Variants in PRDM16 observed in about 807,000 individuals in gnomAD.
PRDM16 encodes PR/SET domain 16.
A neutral mutation model predicts 110.6 loss-of-function variants in PRDM16; 23 were observed. That is an observed-to-expected ratio of 0.21 (90% CI 0.15 to 0.29). PRDM16 has a LOEUF of 0.29. Among genes scored for constraint, PRDM16 ranks in the 10% least tolerant of loss-of-function variants. The pLI is 1.00. For missense variants in PRDM16, 1,615 were observed against 1,794.3 expected (o/e 0.90, Z 1.81); for synonymous variants, 799 against 781.8 (o/e 1.02, Z -0.37).
chr1:3,389,754 G>A (rs1417838913), intron 4 of PRDM16, among the ~76,000 whole-genome samples: 1 of 152,258 alleles, frequency 6.6e-6, no homozygotes, highest in African/African-American at 2.4e-5. Context: ...GCTGCTGGGA[G>A]CAAAACATCC....
chr1:3,335,631 A>ACACACACACACACACC lies in PRDM16; in HGVS notation c.439-49510_439-49509insACACCCACACACACAC, dbSNP rs1210122391. Among the ~76,000 whole-genome samples the ACACACACACACACACC allele has an allele frequency of 7.9e-4, 120 of 152,078 alleles. 1 individual carries two copies. Among genetic ancestry groups the ACACACACACACACACC allele is most frequent in the African/African-American group, 2.7e-3 (110 of 41,452 alleles). On this transcript the variant is annotated intron_variant, in intron 3 of 16. Coordinates refer to ENST00000270722, the MANE Select transcript of PRDM16 (RefSeq NM_022114.4). ...CACACACACACACACACACACACAC[A>ACACACACACACACACC]CACACACACACCCTTGGACATAAAT...
At position 3,437,254 on chromosome 1, in the gene PRDM16, A is replaced by G. The variant is rs1374583325; in HGVS notation, c.*3443A>G. 4.3e-6 allele frequency: 1 copy of G among 232,180 alleles called. No homozygotes were observed. The highest frequency in any genetic ancestry group is 8.5e-6 in the Non-Finnish European group (1 of 117,698). 14.4% of individuals were successfully genotyped at this position (232,180 alleles called of 1,614,324 possible). ...CCCATCCAGACCCCGACTGGCCAAG[A>G]CCTCCACGTCCCCAGAGTCCAGCCC... On this transcript the variant is annotated 3_prime_UTR_variant, in exon 17 of 17. Transcript: ENST00000270722.
chr1:3,334,708 G>T (rs1642109254), intron 3 of PRDM16, among the ~76,000 whole-genome samples: 1 of 152,200 alleles, frequency 6.6e-6, no homozygotes, highest in African/African-American at 2.4e-5. Context: ...ACCACCTCCA[G>T]GTTCACCCAC....
In PRDM16 at chr1:3,359,364, G is replaced by T. The variant is rs1642670635; in HGVS notation, c.439-25788G>T. 6.6e-6 allele frequency among the ~76,000 whole-genome samples: 1 copy of T among 152,140 alleles called. No homozygotes were observed. Among genetic ancestry groups the T allele is most frequent in the South Asian group, 2.1e-4 (1 of 4,826 alleles). On this transcript the variant is annotated intron_variant, in intron 3 of 16. Coordinates refer to ENST00000270722, the MANE Select transcript of PRDM16 (RefSeq NM_022114.4). The surrounding 1 kb of genome is among the most constrained non-coding windows in gnomAD (Gnocchi z 4.3). ...ATGAAAACAGCCTCAGAACTATCAG[G>T]GTCTCCCTTCCGACCAGGGCCTGAG... is the stretch of plus-strand genomic sequence containing the variant.
At chr1:3,220,289 G>A (rs573836533) in intron 2 of PRDM16, among the ~76,000 whole-genome samples, 1 of 152,176 alleles carries the variant, frequency 6.6e-6, no homozygotes, top group Non-Finnish European at 1.5e-5. Flanking sequence ...GTGGGGCCAC[G>A]TCACAGGCAT....
Position 3,385,470 on chromosome 1 carries a change from C to T in PRDM16, c.573+184C>T, listed in dbSNP as rs990601924. On this transcript the variant is annotated intron_variant, in intron 4 of 16. Transcript: ENST00000270722. ...CCAGCACTGGCTTCCGGGGAGCTGA[C>T]TCACCCCGGGAGGGCTCCATTGGAG... 2.6e-5 allele frequency among the ~76,000 whole-genome samples: 4 copies of T among 152,272 alleles called. No individual in the cohort carries two copies. In the East Asian group the frequency reaches 7.8e-4, roughly 30 times the overall value.
In PRDM16 at chr1:3,081,670, G is replaced by A. The variant is rs1235836670; in HGVS notation, c.37+12374G>A. ...TTGCTGTGGACTGGGCAGGACAGCT[G>A]GACCTCCTGGCCACACAGCCGCTTC... is the stretch of plus-strand genomic sequence containing the variant. On this transcript the variant is annotated intron_variant, in intron 1 of 16. Coordinates refer to ENST00000270722, the MANE Select transcript of PRDM16 (RefSeq NM_022114.4). The surrounding 1 kb of genome is among the most constrained non-coding windows in gnomAD (Gnocchi z 4.6). Among the ~76,000 whole-genome samples, 1 of 152,150 alleles carries A rather than the reference G, an allele frequency of 6.6e-6. No individual in the cohort carries two copies.
At chr1:3,194,681 T>TCGCCACACGCCATCATCTCCC (rs1638415958) in intron 2 of PRDM16, among the ~76,000 whole-genome samples, 4 of 99,050 alleles carry the variant, frequency 4.0e-5, no homozygotes, top group African/African-American at 1.3e-4. Flanking sequence ...CACCGTCTGA[T>TCGCCACACGCCATCATCTCCC]CGCCACACGC....
At chr1:3,310,798 GTGTGTA>G (rs1291339830) in intron 3 of PRDM16, among the ~76,000 whole-genome samples, 1 of 152,042 alleles carries the variant, frequency 6.6e-6, no homozygotes, top group Non-Finnish European at 1.5e-5. Context: ...ATGTCTGTGT[GTGTGTA>G]TGTGTATGTG....
chr1:3,307,610 C>T (rs367815698), intron 3 of PRDM16: 2 of 152,160 alleles, frequency 1.3e-5, no homozygotes, highest in East Asian at 1.9e-4. Context: ...CATGGAAGAG[C>T]GCACAGTGTG....
intron 3 of PRDM16, among the ~76,000 whole-genome samples, chr1:3,361,191 C>T (rs1335242258): frequency 6.6e-6 from 1 of 152,204 alleles, no homozygotes; most frequent in Non-Finnish European, 1.5e-5. Context: ...CCCCGTCCCC[C>T]TTTAAACCAA....
At chr1:3,240,932 C>T (rs1000433085) in intron 2 of PRDM16, among the ~76,000 whole-genome samples, 3 of 152,264 alleles carry the variant, frequency 2.0e-5, no homozygotes, top group Non-Finnish European at 2.9e-5. Context: ...ATCAAACACA[C>T]CTAATACTTC....
At chr1:3,189,450 C>G (rs1408462021) in intron 2 of PRDM16, among the ~76,000 whole-genome samples, 1 of 152,128 alleles carries the variant, frequency 6.6e-6, no homozygotes, top group Non-Finnish European at 1.5e-5. Flanking sequence ...ACATGGGTGC[C>G]AGCGTCACGC....
At chr1:3,178,485 G>A (rs889212327) in intron 1 of PRDM16, among the ~76,000 whole-genome samples, 14 of 152,210 alleles carry the variant, frequency 9.2e-5, no homozygotes, top group African/African-American at 2.7e-4. Flanking sequence ...CTGTTCTCCC[G>A]GAGGCCGGGG....
intron 2 of PRDM16, among the ~76,000 whole-genome samples, chr1:3,225,059 G>A (rs1639254798): frequency 6.6e-6 from 1 of 152,120 alleles, no homozygotes; most frequent in African/African-American, 2.4e-5. Flanking sequence ...TACGGTTCAG[G>A]TCTGCTTGGA....
chr1:3,142,167 C>T (rs1026074965), intron 1 of PRDM16, among the ~76,000 whole-genome samples: 6 of 152,210 alleles, frequency 3.9e-5, no homozygotes, highest in Non-Finnish European at 1.5e-5. Flanking sequence ...GTCTGGTCTT[C>T]CAGGAAGAGG....
rs371654192 is a variant in PRDM16 at position 3,412,665 on chromosome 1, G to C, written c.2468G>C (p.Arg823Pro). The change falls in exon 9 of 17, where the codon CGC becomes CCC. Residue 823 changes from arginine to proline, a missense_variant. This residue lies in a region of PRDM16 where 772 missense variants were observed against 748.3 expected (regional missense o/e 1.03). Coordinates refer to ENST00000270722, the MANE Select transcript of PRDM16 (RefSeq NM_022114.4). The part of the protein sequence containing the change: ...ASQNGGGREP[R>P]KNHVYGERKL... ...CAAAACGGCGGCGGGCGGGAGCCCC[G>C]CAAGAACCACGTCTATGGGGAACGC... 3.7e-3 allele frequency: 5,685 copies of C among 1,524,290 alleles called. 22 individuals are homozygous for C. The highest frequency in any genetic ancestry group is 4.6e-3 in the Non-Finnish European group (5,235 of 1,135,892). The allele number at this position is 1,524,290 out of a possible 1,614,324, so 94.4% of individuals were successfully genotyped here. A position where few individuals can be genotyped will look rare whatever the true frequency, so the allele number is the denominator to read the frequency against.
At chr1:3,297,391 C>A (rs930127973) in intron 3 of PRDM16, among the ~76,000 whole-genome samples, 1 of 150,154 alleles carries the variant, frequency 6.7e-6, no homozygotes, top group Non-Finnish European at 1.5e-5. Context: ...TTAAGCAATT[C>A]TCCTACCTTA....
chr1:3,327,745 C>T (rs1641948555), intron 3 of PRDM16, among the ~76,000 whole-genome samples: 1 of 152,158 alleles, frequency 6.6e-6, no homozygotes, highest in African/African-American at 2.4e-5. Context: ...TTGGCCCCCA[C>T]CCACCTGCAG....
Sources: gnomAD v4.1 joint callset for allele counts (sites outside exome capture counted in the v4.1 genomes callset) on GRCh38, gnomAD v4.1.1 for gene constraint, gnomAD v4.1.1 regional missense constraint, Gnocchi (gnomAD v3.1) non-coding constraint, MANE v1.5 for transcripts, NCBI Gene and HGNC (gene_info 2026-07-23, HGNC 2026-07-21) for gene names.